Variants in AGBL4 observed in about 807,000 individuals in gnomAD.
AGBL4 encodes cytosolic carboxypeptidase 6.
Under a neutral mutation model 66.4 loss-of-function variants are expected in AGBL4, and 58 were observed. The ratio of observed to expected loss-of-function variants is 0.87; its 90% CI spans 0.71 to 1.09. AGBL4 has a LOEUF of 1.09. Ranked by LOEUF, AGBL4 falls within the 50% of genes least tolerant of loss-of-function variation. The pLI is 0.00. For missense variants in AGBL4, 579 were observed against 631.0 expected (o/e 0.92, Z 0.88); for synonymous variants, 234 against 222.9 (o/e 1.05, Z -0.44).
intron 2 of AGBL4, among the ~76,000 whole-genome samples, chr1:49,781,695 G>A (rs997336539): frequency 3.3e-5 from 5 of 152,008 alleles, no homozygotes; most frequent in African/African-American, 7.2e-5. Context: ...ACAATTTCAC[G>A]AAGTACACAC....
chr1:49,558,479 T>C (rs1643955043), intron 3 of AGBL4, among the ~76,000 whole-genome samples: 1 of 152,084 alleles, frequency 6.6e-6, no homozygotes. Context: ...TAGCTGAGAC[T>C]ACAAGCATGC....
At chr1:48,705,887 A>G (rs1227578089) in intron 6 of AGBL4, among the ~76,000 whole-genome samples, 1 of 152,190 alleles carries the variant, frequency 6.6e-6, no homozygotes, top group Non-Finnish European at 1.5e-5. Flanking sequence ...ACCCAACAAA[A>G]CATTCCAATT....
intron 3 of AGBL4, among the ~76,000 whole-genome samples, chr1:49,360,609 A>G (rs1402935966): frequency 6.6e-6 from 1 of 152,188 alleles, no homozygotes; most frequent in African/African-American, 2.4e-5. Flanking sequence ...ACAAGACGAC[A>G]ACTACCAACT....
chr1:49,553,675 C>A (rs953752505), intron 3 of AGBL4, among the ~76,000 whole-genome samples: 8 of 152,086 alleles, frequency 5.3e-5, no homozygotes, highest in African/African-American at 1.9e-4. Context: ...CAGTTTATCC[C>A]TACCTATATC....
At chr1:49,733,420 G>A (rs762725228) in intron 2 of AGBL4, among the ~76,000 whole-genome samples, 30 of 152,244 alleles carry the variant, frequency 2.0e-4, no homozygotes, top group Admixed American at 4.6e-4. Flanking sequence ...GCACAATATC[G>A]TATAAGAAAT....
chr1:49,920,648 G>A (rs1652127543), intron 1 of AGBL4, among the ~76,000 whole-genome samples: 1 of 152,178 alleles, frequency 6.6e-6, no homozygotes, highest in South Asian at 2.1e-4. Flanking sequence ...TGGTGGGACT[G>A]TAAATTAGTT....
At chr1:49,654,072 G>A (rs1646066347) in intron 3 of AGBL4, among the ~76,000 whole-genome samples, 2 of 152,124 alleles carry the variant, frequency 1.3e-5, no homozygotes, top group South Asian at 4.2e-4. Flanking sequence ...GGCAGCCAGA[G>A]AGAAAGGCCA....
chr1:48,962,983 G>C (rs1488747531), intron 5 of AGBL4, among the ~76,000 whole-genome samples: 1 of 150,784 alleles, frequency 6.6e-6, no homozygotes, highest in Non-Finnish European at 1.5e-5. Context: ...CATGTAGTAG[G>C]CTATCAATAT....
intron 1 of AGBL4, among the ~76,000 whole-genome samples, chr1:49,901,575 G>A (rs185044200): frequency 4.6e-5 from 7 of 152,256 alleles, no homozygotes; most frequent in Non-Finnish European, 7.4e-5. Flanking sequence ...CCATGCTCAT[G>A]GAAAGGAGGA....
chr1:49,289,167 C>T (rs561621755), intron 3 of AGBL4, among the ~76,000 whole-genome samples: 70 of 151,784 alleles, frequency 4.6e-4, no homozygotes, highest in African/African-American at 1.2e-3. Context: ...ATTTACTAGA[C>T]AACTAGAATA....
intron 3 of AGBL4, among the ~76,000 whole-genome samples, chr1:49,643,096 T>C (rs1645816169): frequency 6.6e-6 from 1 of 151,944 alleles, no homozygotes; most frequent in South Asian, 2.1e-4. Context: ...TACATGGTAA[T>C]AGACTACATG....
chr1:49,977,305 G>T (rs1658648063), intron 1 of AGBL4, among the ~76,000 whole-genome samples: 2 of 134,242 alleles, frequency 1.5e-5, no homozygotes, highest in African/African-American at 2.9e-5. Flanking sequence ...ATCTTCTATG[G>T]GCTTCACCTC....
intron 5 of AGBL4, among the ~76,000 whole-genome samples, chr1:48,874,822 C>G (rs1416705431): frequency 6.6e-6 from 1 of 151,962 alleles, no homozygotes; most frequent in African/African-American, 2.4e-5. Flanking sequence ...ATCTCAAGGC[C>G]CTGAGCTCAT....
At chr1:49,132,889 G>A (rs1364851177) in intron 4 of AGBL4, among the ~76,000 whole-genome samples, 1 of 152,154 alleles carries the variant, frequency 6.6e-6, no homozygotes, top group Non-Finnish European at 1.5e-5. Context: ...CCATTACTGG[G>A]AATATACCGA....
chr1:49,617,790 C>A (rs1230921664), intron 3 of AGBL4, among the ~76,000 whole-genome samples: 1 of 152,186 alleles, frequency 6.6e-6, no homozygotes, highest in Non-Finnish European at 1.5e-5. Flanking sequence ...TATCGGTATA[C>A]AATTTTTGCT....
intron 2 of AGBL4, among the ~76,000 whole-genome samples, chr1:49,755,943 G>T (rs193194412): frequency 6.6e-6 from 1 of 151,996 alleles, no homozygotes; most frequent in African/African-American, 2.4e-5. Context: ...CTGTTATCTG[G>T]CTCCTTTATT....
intron 5 of AGBL4, among the ~76,000 whole-genome samples, chr1:48,925,797 T>G (rs1654505653): frequency 6.6e-6 from 1 of 152,204 alleles, no homozygotes; most frequent in Non-Finnish European, 1.5e-5. Context: ...TATGCATATG[T>G]ATGTAAAGTT....
intron 5 of AGBL4, among the ~76,000 whole-genome samples, chr1:48,885,769 A>G (rs1650265244): frequency 6.6e-6 from 1 of 152,160 alleles, no homozygotes; most frequent in Non-Finnish European, 1.5e-5. Flanking sequence ...GATAAGATGC[A>G]TAAGTGCACA....
intron 2 of AGBL4, among the ~76,000 whole-genome samples, chr1:49,776,445 A>G (rs1644199222): frequency 6.6e-6 from 1 of 152,162 alleles, no homozygotes; most frequent in African/African-American, 2.4e-5. Context: ...AAAATAATCC[A>G]GAATCTTTAA....
Sources: gnomAD v4.1 joint callset for allele counts (sites outside exome capture counted in the v4.1 genomes callset) on GRCh38, gnomAD v4.1.1 for gene constraint, MANE v1.5 for transcripts, NCBI Gene and HGNC (gene_info 2026-07-23, HGNC 2026-07-21) for gene names.